Variants in ZNF654 observed in about 807,000 individuals in gnomAD.
The protein encoded by ZNF654 is zinc finger protein 654, also known as melanoma-associated antigen.
Under a neutral mutation model 95.3 loss-of-function variants are expected in ZNF654, and 19 were observed. That is an observed-to-expected ratio of 0.20 (90% CI 0.14 to 0.29). ZNF654 has a LOEUF of 0.29. Among genes scored for constraint, ZNF654 ranks in the 10% least tolerant of loss-of-function variants. The pLI is 1.00. For missense variants in ZNF654, 1,046 were observed against 1,341.0 expected, an observed-to-expected ratio of 0.78 and a Z score of 3.44; for synonymous variants, 413 against 457.9, an observed-to-expected ratio of 0.90 and a Z score of 1.25.
At chr3:88,122,818 T>G (rs1205894431) in intron 3 of ZNF654, among the ~76,000 whole-genome samples, 1 of 152,002 alleles carries the variant, frequency 6.6e-6, no homozygotes, top group Non-Finnish European at 1.5e-5. Context: ...GATACCAGCC[T>G]GGCCAGCATG....
intron 1 of ZNF654, among the ~76,000 whole-genome samples, chr3:88,071,921 T>G (rs1035890362): frequency 6.6e-6 from 1 of 152,248 alleles, no homozygotes; most frequent in Non-Finnish European, 1.5e-5. Context: ...CAACAACTAT[T>G]AAATGCTCAT....
At position 88,116,561 on chromosome 3, in the gene ZNF654, T is replaced by TACACACACACAC. The variant is rs61470020; in HGVS notation, c.414+3371_414+3382dup. Among the ~76,000 whole-genome samples, 59 of 151,026 alleles carry TACACACACACAC rather than the reference T, an allele frequency of 3.9e-4. No individual in the cohort carries two copies. The East Asian group carries it at 8.3e-3, about 21-fold the overall frequency. On this transcript the variant is annotated intron_variant, in intron 3 of 8. Coordinates refer to ENST00000636215, the MANE Select transcript of ZNF654 (RefSeq NM_001350134.2). ...AAATACATACATACATACATATATA[T>TACACACACACAC]ACACACACACACACACATGCACATA...
chr3:88,139,281 G>C lies in ZNF654; in HGVS notation c.1612G>C (p.Val538Leu). ...KNLTALSTSK[V>L]DHNVPRHRCM... is the part of the protein sequence containing the mutation. ...TCTTACAGCTCTCAGTACTTCCAAA[G>C]TAGATCACAATGTCCCAAGGCATCG... The change falls in exon 8 of 9, where the codon GTA becomes CTA. Residue 538 changes from valine (V) to leucine (L), a missense_variant. Physicochemically the swap from Val to Leu is conservative, Grantham distance 32. This residue lies in a region of ZNF654 where 100 missense variants were observed against 108.9 expected (regional missense o/e 0.92). Coordinates refer to ENST00000636215, the MANE Select transcript of ZNF654 (RefSeq NM_001350134.2). 1 of 1,560,610 alleles carries C rather than the reference G, an allele frequency of 6.4e-7. No homozygotes were observed.
At chr3:88,076,579 G>C (rs1336390247) in intron 1 of ZNF654, among the ~76,000 whole-genome samples, 2 of 151,614 alleles carry the variant, frequency 1.3e-5, no homozygotes, top group East Asian at 1.9e-4. Flanking sequence ...GTTTTGTTTT[G>C]TTTTGTTTTG....
rs1426109943 is a variant in ZNF654, at chr3:88,139,732, A to C, written c.2063A>C (p.Asn688Thr). 3.2e-6 allele frequency: 5 copies of C among 1,558,014 alleles called. No homozygotes were observed. The highest frequency in any genetic ancestry group is 4.3e-6 in the Non-Finnish European group (5 of 1,150,074). ...ENGSPNNSLNNVFKPLTECGD... is the reference protein window; with the variant it reads ...ENGSPNNSLNTVFKPLTECGD... ...GGCAGTCCTAATAATTCTTTAAATAATGTTTTCAAGCCTTTAACTGAATGT... is the reference window on the plus strand; with the variant it reads ...GGCAGTCCTAATAATTCTTTAAATACTGTTTTCAAGCCTTTAACTGAATGT... The change falls in exon 8 of 9, where the codon AAT (asparagine) becomes ACT (threonine). Residue 688 changes from asparagine to threonine, a missense_variant. Coordinates refer to ENST00000636215, the MANE Select transcript of ZNF654 (RefSeq NM_001350134.2).
At chr3:88,110,175 TTGTG>T (rs1188764606) in intron 2 of ZNF654, among the ~76,000 whole-genome samples, 3 of 152,148 alleles carry the variant, frequency 2.0e-5, no homozygotes, top group African/African-American at 7.2e-5. Context: ...GTTACTATTA[TTGTG>T]TTTTATAAAT....
chr3:88,131,226 G>A (rs1031016349), intron 6 of ZNF654, among the ~76,000 whole-genome samples: 3 of 152,156 alleles, frequency 2.0e-5, no homozygotes, highest in African/African-American at 7.2e-5. Context: ...TCTAAATATA[G>A]AAAAAGTACA....
chr3:88,108,170 G>A (rs1281058732), intron 2 of ZNF654, among the ~76,000 whole-genome samples: 5 of 151,826 alleles, frequency 3.3e-5, no homozygotes, highest in Non-Finnish European at 7.4e-5. Context: ...TATGAATTCA[G>A]GTCACGACCT....
At position 88,142,179 on chromosome 3, in the gene ZNF654, A is replaced by ACT. The variant is rs1450379821; in HGVS notation, c.*528_*529dup. 1 of 152,358 alleles carries ACT rather than the reference A, an allele frequency of 6.6e-6. No homozygotes were observed. Among genetic ancestry groups the ACT allele is most frequent in the African/African-American group, 2.4e-5 (1 of 41,422 alleles). The allele number at this position is 152,358 out of a possible 1,614,324, so 9.4% of individuals were successfully genotyped here. ...TGTTTGGTTTGTGATTGATTTAGAA[A>ACT]CTTATACATTAACTTACCACAGTGC... On this transcript the variant is annotated 3_prime_UTR_variant, in exon 9 of 9. Coordinates refer to ENST00000636215, the MANE Select transcript of ZNF654 (RefSeq NM_001350134.2).
chr3:88,065,145 A>T (rs1449159551), intron 1 of ZNF654, among the ~76,000 whole-genome samples: 1 of 152,256 alleles, frequency 6.6e-6, no homozygotes, highest in Non-Finnish European at 1.5e-5. Flanking sequence ...ATTTTGGCAC[A>T]TTTGGGATAT....
At chr3:88,112,334 G>T (rs1248230727) in intron 2 of ZNF654, among the ~76,000 whole-genome samples, 1 of 151,770 alleles carries the variant, frequency 6.6e-6, no homozygotes, top group Non-Finnish European at 1.5e-5. Flanking sequence ...TCTGCTAGAT[G>T]AATTAAGATC....
Position 88,088,752 on chromosome 3 carries a change from GTAT to G in ZNF654, c.332+2351_332+2353del, listed in dbSNP as rs761542874. Among the ~76,000 whole-genome samples, 193 of 127,134 alleles carry G rather than the reference GTAT, an allele frequency of 1.5e-3. 1 individual carries two copies. The highest frequency in any genetic ancestry group is 4.1e-3 in the Middle Eastern group (1 of 246). 83.4% of individuals were successfully genotyped at this position (127,134 alleles called of 152,430 possible). A position where few individuals can be genotyped will look rare whatever the true frequency, so the allele number is the denominator to read the frequency against. ...TAAAAAAAAACCTTTATTTATGTAT[GTAT>G]GTATGTATGGATGGATGGATGGATG... is the stretch of plus-strand genomic sequence containing the variant. On this transcript the variant is annotated intron_variant, in intron 2 of 8. Transcript: ENST00000636215.
At chr3:88,081,402 C>G (rs183240548) in intron 1 of ZNF654, among the ~76,000 whole-genome samples, 1 of 152,164 alleles carries the variant, frequency 6.6e-6, no homozygotes, top group African/African-American at 2.4e-5. Flanking sequence ...TGCTTCTCCT[C>G]AAATTTTCAC....
At chr3:88,110,039 C>T (rs985373326) in intron 2 of ZNF654, among the ~76,000 whole-genome samples, 2 of 151,958 alleles carry the variant, frequency 1.3e-5, no homozygotes, top group African/African-American at 4.8e-5. Context: ...CTTGTGTTTC[C>T]TTATAGATTG....
At chr3:88,101,209 A>C (rs1358944562) in intron 2 of ZNF654, among the ~76,000 whole-genome samples, 1 of 152,110 alleles carries the variant, frequency 6.6e-6, no homozygotes, top group African/African-American at 2.4e-5. Context: ...GAGTTGTGCA[A>C]CCATTACCAC....
chr3:88,135,302 G>T, intron 7 of ZNF654, 100 bp downstream of exon 7: 1 of 1,048,118 alleles, frequency 9.5e-7, no homozygotes, highest in Non-Finnish European at 1.3e-6. Flanking sequence ...AAAACTGAAG[G>T]AAAGGAGGAT....
At chr3:88,138,684 C>T (rs1706952831) in intron 7 of ZNF654, 21 bp from the exon 8 acceptor site, 1 of 1,219,730 alleles carries the variant, frequency 8.2e-7, no homozygotes, top group Admixed American at 4.2e-5. Context: ...GTATTTAGCA[C>T]TAATATTTTT....
chr3:88,088,669 T>C (rs977157748), intron 2 of ZNF654, among the ~76,000 whole-genome samples: 1 of 152,102 alleles, frequency 6.6e-6, no homozygotes, highest in African/African-American at 2.4e-5. Flanking sequence ...TATTTGAAAT[T>C]GTAGGAGGGA....
chr3:88,083,108 A>C (rs1266567840), intron 1 of ZNF654, among the ~76,000 whole-genome samples: 1 of 151,672 alleles, frequency 6.6e-6, no homozygotes, highest in Admixed American at 6.6e-5. Flanking sequence ...ATCCTACTGG[A>C]ATAGGACTTC....
Sources: gnomAD v4.1 joint callset for allele counts (sites outside exome capture counted in the v4.1 genomes callset) on GRCh38, gnomAD v4.1.1 for gene constraint, gnomAD v4.1.1 regional missense constraint, MANE v1.5 for transcripts, NCBI Gene and HGNC (gene_info 2026-07-23, HGNC 2026-07-21) for gene names.